The following HSPA4L variants were observed in gnomAD, a reference collection of about 807,000 sequenced individuals.
HSPA4L encodes heat shock protein family A (Hsp70) member 4 like, also known as heat shock 70 kDa protein 4L.
Under a neutral mutation model 100.3 loss-of-function variants are expected in HSPA4L, and 48 were observed. The observed-to-expected ratio is 0.48, with a 90% confidence interval of 0.38 to 0.61. The LOEUF (loss-of-function observed/expected upper bound fraction) is 0.61. HSPA4L is among the 20% of genes least tolerant of loss of function. The pLI is 0.00. For synonymous variants in HSPA4L, 319 were observed against 328.2 expected, an observed-to-expected ratio of 0.97 and a Z score of 0.30; for missense variants, 886 against 988.6, an observed-to-expected ratio of 0.90 and a Z score of 1.39.
In HSPA4L at chr4:127,827,356, A is replaced by G; in HGVS notation, c.2098A>G (p.Lys700Glu). Reference sequence around the variant, plus strand: ...GTACATGGAGCATGAAGAGAGACCAAAAGCCTTAAATGACTTGGGAAAAAA... The same window carrying G: ...GTACATGGAGCATGAAGAGAGACCAGAAGCCTTAAATGACTTGGGAAAAAA... ...MKYMEHEERP[K>E]ALNDLGKKIQ... The change falls in exon 17 of 19, where the codon AAA becomes GAA. Residue 700 changes from lysine (K) to glutamate (E), a missense_variant. Lys to Glu is a moderately conservative substitution (Grantham distance 56). Transcript: ENST00000296464. 1 of 1,613,712 alleles carries G rather than the reference A, an allele frequency of 6.2e-7. No individual in the cohort carries two copies. Among genetic ancestry groups the G allele is most frequent in the Non-Finnish European group, 8.5e-7 (1 of 1,179,678 alleles).
At position 127,837,349 on chromosome 4, in the gene HSPA4L, C is replaced by T. The variant is rs889844859; in HGVS notation, c.*4475C>T. 1 of 152,192 alleles carries T rather than the reference C, an allele frequency of 6.6e-6. No individual in the cohort carries two copies. Among genetic ancestry groups the T allele is most frequent in the Non-Finnish European group, 1.5e-5 (1 of 68,038 alleles). The allele number at this position is 152,192 out of a possible 1,614,324, so 9.4% of individuals were successfully genotyped here. A position where few individuals can be genotyped will look rare whatever the true frequency, so the allele number is the denominator to read the frequency against. ...GTTTTGTGATATTTTATTGTATAAA[C>T]TGTTAATGAGAGGCACAGCTAATTG... is the stretch of plus-strand genomic sequence containing the variant. On this transcript the variant is annotated 3_prime_UTR_variant, in exon 19 of 19. Transcript: ENST00000296464.
At chr4:127,782,795 C>T (rs2276980) in intron 1 of HSPA4L, 138 bp downstream of exon 1, 22,007 of 624,196 alleles carry the variant, frequency 0.035, 1,845 homozygotes, top group East Asian at 0.29. Flanking sequence ...TGCAACCCGT[C>T]AACCGCAGTC....
intron 1 of HSPA4L, among the ~76,000 whole-genome samples, chr4:127,787,566 A>G (rs1035960979): frequency 6.6e-6 from 1 of 152,144 alleles, no homozygotes; most frequent in Non-Finnish European, 1.5e-5. Flanking sequence ...TTCTGCTTTC[A>G]TTAAAAAATA....
chr4:127,793,100 A>G (rs1355734595), intron 1 of HSPA4L, among the ~76,000 whole-genome samples: 1 of 152,188 alleles, frequency 6.6e-6, no homozygotes, highest in South Asian at 2.1e-4. Context: ...GGATTATTTC[A>G]TCATCAGAGA....
intron 12 of HSPA4L, among the ~76,000 whole-genome samples, chr4:127,814,393 A>G (rs900390798): frequency 2.6e-5 from 4 of 152,168 alleles, no homozygotes; most frequent in African/African-American, 7.2e-5. Flanking sequence ...GAGCACATTC[A>G]TATATGTATT....
chr4:127,815,488 C>G (rs1733649079), intron 12 of HSPA4L, among the ~76,000 whole-genome samples: 1 of 147,942 alleles, frequency 6.8e-6, no homozygotes. Flanking sequence ...ATAACATAGT[C>G]TGCAAAAAAA....
intron 5 of HSPA4L, 46 bp downstream of exon 5, chr4:127,801,283 C>A: frequency 2.3e-6 from 3 of 1,314,266 alleles, no homozygotes; most frequent in Admixed American, 2.2e-5. Flanking sequence ...AAATACTGTT[C>A]TAGTTTTTTT....
intron 1 of HSPA4L, among the ~76,000 whole-genome samples, chr4:127,791,374 AG>A (rs1732870214): frequency 6.6e-6 from 1 of 152,220 alleles, no homozygotes; most frequent in Admixed American, 6.5e-5. Flanking sequence ...GCTAGAAAAA[AG>A]GTCCATCCAT....
At chr4:127,809,164 A>G in intron 11 of HSPA4L, 1 of 891,320 alleles carries the variant, frequency 1.1e-6, no homozygotes, top group Non-Finnish European at 1.9e-6. Flanking sequence ...GAAACAAAAT[A>G]GGAAAATTGC....
In HSPA4L at chr4:127,838,114, A is replaced by G. The variant is rs1336093915; in HGVS notation, c.*5240A>G. 6.6e-6 allele frequency: 1 copy of G among 152,120 alleles called. No homozygotes were observed. Among genetic ancestry groups the G allele is most frequent in the East Asian group, 1.9e-4 (1 of 5,186 alleles). The allele number at this position is 152,120 out of a possible 1,614,324, so 9.4% of individuals were successfully genotyped here. The stretch of plus-strand genomic sequence containing the variant: ...CACCGCACCTGGCCAATGTTCTTTT[A>G]TATACTCATGTTTTCTAACAAAACA... On this transcript the variant is annotated 3_prime_UTR_variant, in exon 19 of 19. Transcript: ENST00000296464.
intron 12 of HSPA4L, among the ~76,000 whole-genome samples, chr4:127,817,146 A>ACCTCCG (rs1464971248): frequency 6.6e-6 from 1 of 151,966 alleles, no homozygotes. Flanking sequence ...GCTCACTGCA[A>ACCTCCG]CCTCCGCCTC....
upstream of HSPA4L, chr4:127,781,876 G>A (rs1732560421): frequency 2.9e-6 from 1 of 344,064 alleles, no homozygotes; most frequent in South Asian, 2.1e-5. Context: ...GGCAGGGGGT[G>A]AGGGGGCGGC....
chr4:127,823,675 A>T (rs1733872177), intron 16 of HSPA4L, 51 bp downstream of exon 16: 1 of 1,123,414 alleles, frequency 8.9e-7, no homozygotes, highest in South Asian at 1.3e-5. Context: ...TTTTTCTAAA[A>T]ATTAGGGTGT....
intron 11 of HSPA4L, among the ~76,000 whole-genome samples, chr4:127,808,332 A>C (rs1175291920): frequency 6.6e-6 from 1 of 152,206 alleles, no homozygotes; most frequent in African/African-American, 2.4e-5. Context: ...GTCGGCCCTC[A>C]GTATTCATGA....
intron 6 of HSPA4L, 50 bp from the exon 7 acceptor site, chr4:127,803,579 G>A: frequency 7.6e-7 from 1 of 1,315,628 alleles, no homozygotes; most frequent in Non-Finnish European, 1.0e-6. Flanking sequence ...TTTTTTTTTT[G>A]GAAGAATCTA....
intron 16 of HSPA4L, among the ~76,000 whole-genome samples, chr4:127,825,926 C>CAAAAA (rs78623521): frequency 3.5e-5 from 2 of 57,232 alleles, no homozygotes; most frequent in African/African-American, 7.1e-5. Flanking sequence ...AACTCCATCT[C>CAAAAA]AAAAAAAAAA....
At chr4:127,806,555 C>G (rs1000734506) in intron 10 of HSPA4L, among the ~76,000 whole-genome samples, 1 of 151,860 alleles carries the variant, frequency 6.6e-6, no homozygotes, top group Non-Finnish European at 1.5e-5. Flanking sequence ...ATTGAACATG[C>G]CAATATTTTA....
At chr4:127,808,321 A>G (rs543396396) in intron 11 of HSPA4L, among the ~76,000 whole-genome samples, 192 bp downstream of exon 11, 1 of 152,326 alleles carries the variant, frequency 6.6e-6, no homozygotes, top group South Asian at 2.1e-4. Flanking sequence ...GGTTTACTGC[A>G]GTCGGCCCTC....
chr4:127,802,923 C>T (rs1035595597), intron 6 of HSPA4L, among the ~76,000 whole-genome samples: 1 of 152,028 alleles, frequency 6.6e-6, no homozygotes, highest in Non-Finnish European at 1.5e-5. Context: ...CAAAACCACC[C>T]CAACAGTAGG....
Sources: gnomAD v4.1 joint callset for allele counts (sites outside exome capture counted in the v4.1 genomes callset) on GRCh38, gnomAD v4.1.1 for gene constraint, MANE v1.5 for transcripts, NCBI Gene and HGNC (gene_info 2026-07-23, HGNC 2026-07-21) for gene names.